The following EBPL variants were observed in gnomAD, a reference collection of about 807,000 sequenced individuals.
EBPL encodes emopamil-binding protein-like.
EBPL carries 20 observed loss-of-function variants against 19.0 expected under a neutral mutation model. The observed-to-expected ratio is 1.05, with a 90% CI of 0.74 to 1.53. The LOEUF (loss-of-function observed/expected upper bound fraction) is 1.53. EBPL is among the 40% of genes most tolerant of loss of function. The pLI is 0.00. For synonymous variants in EBPL, 107 were observed against 117.0 expected (o/e 0.91, Z 0.55); for missense variants, 219 against 261.1 (o/e 0.84, Z 1.11).
At chr13:49,691,199 C>T (rs1026078567) in intron 1 of EBPL, 55 bp downstream of exon 1, 5 of 1,271,514 alleles carry the variant, frequency 3.9e-6, no homozygotes, top group African/African-American at 3.1e-5. Context: ...CGCCTTGCCG[C>T]CCCCGCTCCC....
intron 1 of EBPL, among the ~76,000 whole-genome samples, chr13:49,690,149 C>CA (rs1954044756): frequency 1.5e-5 from 1 of 65,424 alleles, no homozygotes; most frequent in African/African-American, 5.4e-5. Flanking sequence ...GACTCTGTCT[C>CA]AAGAACAACA....
chr13:49,663,117 G>GCGA lies in EBPL; in HGVS notation c.317_319dup (p.Val106dup). 1 of 1,614,158 alleles carries GCGA rather than the reference G, an allele frequency of 6.2e-7. No individual in the cohort carries two copies. On this transcript the variant is annotated inframe_insertion, in exon 3 of 4. Coordinates refer to ENST00000242827, the MANE Select transcript of EBPL (RefSeq NM_032565.5). ...GAACAATGCCAGAGACCCATCCAGG[G>GCGA]CGACGGTCAGAATTTCCACAGACAC...
Position 49,663,207 on chromosome 13 carries a change from A to G in EBPL, c.242-12T>C, listed in dbSNP as rs1045564570. The G allele has an allele frequency of 1.2e-6, 2 of 1,611,884 alleles. No homozygotes were observed. Among genetic ancestry groups the G allele is most frequent in the African/African-American group, 2.7e-5 (2 of 74,886 alleles). On this transcript the variant is annotated splice_polypyrimidine_tract_variant and intron_variant, in intron 2 of 3. Coordinates refer to ENST00000242827, the MANE Select transcript of EBPL (RefSeq NM_032565.5). ...GCCATATTCTTTCCCTAAAGACAAA[A>G]TCCATGTTGTTACTCAAATGGCAAC...
At chr13:49,664,628 G>GA (rs1965199827) in intron 2 of EBPL, among the ~76,000 whole-genome samples, 1 of 152,084 alleles carries the variant, frequency 6.6e-6, no homozygotes, top group South Asian at 2.1e-4. Context: ...TGATTACAGT[G>GA]AAAAAATGGA....
intron 1 of EBPL, among the ~76,000 whole-genome samples, chr13:49,681,671 A>G (rs566075737): frequency 2.1e-4 from 32 of 152,366 alleles, no homozygotes; most frequent in African/African-American, 7.0e-4. Context: ...ACAAATGATT[A>G]AGTTATGCCA....
At chr13:49,678,410 G>A (rs1029624870) in intron 1 of EBPL, among the ~76,000 whole-genome samples, 1 of 152,218 alleles carries the variant, frequency 6.6e-6, no homozygotes, top group Non-Finnish European at 1.5e-5. Flanking sequence ...AGCGGGGGTG[G>A]TGCCGGCTCG....
At chr13:49,676,266 C>T (rs1953874567) in intron 1 of EBPL, among the ~76,000 whole-genome samples, 1 of 152,194 alleles carries the variant, frequency 6.6e-6, no homozygotes, top group Non-Finnish European at 1.5e-5. Context: ...CCCCCCTCCC[C>T]TGCTGCCTGG....
intron 1 of EBPL, among the ~76,000 whole-genome samples, chr13:49,679,966 T>C (rs942283503): frequency 1.3e-5 from 2 of 152,228 alleles, no homozygotes; most frequent in African/African-American, 4.8e-5. Flanking sequence ...CTCCACCTTT[T>C]GACAGAGTCG....
chr13:49,690,418 C>CAAAAA (rs33964235), intron 1 of EBPL, among the ~76,000 whole-genome samples: 1 of 88,234 alleles, frequency 1.1e-5, no homozygotes, highest in Non-Finnish European at 2.0e-5. Flanking sequence ...GTCAACTTTA[C>CAAAAA]AAAAAAAAAA....
chr13:49,685,144 G>A (rs1257823680), intron 1 of EBPL, among the ~76,000 whole-genome samples: 1 of 152,182 alleles, frequency 6.6e-6, no homozygotes, highest in Non-Finnish European at 1.5e-5. Flanking sequence ...ATTTTAAAGT[G>A]TTTGAAAAAG....
chr13:49,670,214 C>G (rs992917449), intron 1 of EBPL, among the ~76,000 whole-genome samples: 2 of 152,128 alleles, frequency 1.3e-5, no homozygotes, highest in African/African-American at 4.8e-5. Flanking sequence ...GAGAACCCCA[C>G]AGAAGTTCAC....
intron 2 of EBPL, among the ~76,000 whole-genome samples, chr13:49,667,287 A>G (rs1965242716): frequency 6.6e-6 from 1 of 152,200 alleles, no homozygotes; most frequent in African/African-American, 2.4e-5. Context: ...GATCATTTCC[A>G]TTGATTCTGT....
intron 1 of EBPL, among the ~76,000 whole-genome samples, chr13:49,681,531 T>A (rs1953943187): frequency 6.6e-6 from 1 of 152,226 alleles, no homozygotes; most frequent in South Asian, 2.1e-4. Flanking sequence ...CCTCAGGTGA[T>A]CTGCTCACCT....
At chr13:49,683,370 A>G (rs1240533384) in intron 1 of EBPL, among the ~76,000 whole-genome samples, 1 of 152,068 alleles carries the variant, frequency 6.6e-6, no homozygotes, top group Non-Finnish European at 1.5e-5. Flanking sequence ...TACTAAAAAT[A>G]CAAAAAAAAT....
At chr13:49,678,050 G>C (rs1420721437) in intron 1 of EBPL, among the ~76,000 whole-genome samples, 1 of 152,090 alleles carries the variant, frequency 6.6e-6, no homozygotes, top group Non-Finnish European at 1.5e-5. Flanking sequence ...GCCGGGGCTG[G>C]CTTGGGCAGC....
chr13:49,678,875 G>C (rs1490617445), intron 1 of EBPL, among the ~76,000 whole-genome samples: 1 of 151,876 alleles, frequency 6.6e-6, no homozygotes, highest in Non-Finnish European at 1.5e-5. Context: ...GTCAGGCATG[G>C]GTGGCACGCG....
In EBPL at chr13:49,663,109, C is replaced by T. The variant is rs1965172880; in HGVS notation, c.328G>A (p.Gly110Arg). 1 of 1,614,166 alleles carries T rather than the reference C, an allele frequency of 6.2e-7. No individual in the cohort carries two copies. The highest frequency in any genetic ancestry group is 8.5e-7 in the Non-Finnish European group (1 of 1,180,034). The change falls in exon 3 of 4, where the codon GGG becomes AGG. Residue 110 changes from glycine (G) to arginine (R), a missense_variant. Transcript: ENST00000242827. ...SVEILTVALD[G>R]SLALFLIYAI... ...TAAATGAGGAACAATGCCAGAGACC[C>T]ATCCAGGGCGACGGTCAGAATTTCC... is the stretch of plus-strand genomic sequence containing the variant.
At position 49,661,070 on chromosome 13, in the gene EBPL, G is replaced by T. The variant is rs185971851; in HGVS notation, c.519C>A (p.Asn173Lys). Residue 173 changes from asparagine to lysine, a missense_variant, in exon 4 of 4, where the codon AAC becomes AAA. Asn to Lys is a moderately conservative substitution (Grantham distance 94). This residue lies in a region of EBPL where 49 missense variants were observed against 94.1 expected (regional missense o/e 0.52). Transcript: ENST00000242827. ...GTCCTGGGATCAGAACCCACACACC[G>T]TTAAAAAAAAACAGGTAAAGCCAAC... ...LYCWLYLFFF[N>K]GVWVLIPGLL... 1.9e-6 allele frequency: 3 copies of T among 1,613,944 alleles called. No individual in the cohort carries two copies. Among genetic ancestry groups the T allele is most frequent in the Non-Finnish European group, 2.5e-6 (3 of 1,179,976 alleles).
rs989378684 is a variant in EBPL at position 49,691,131 on chromosome 13, C to T, written c.171+123G>A. 1.7e-5 allele frequency: 16 copies of T among 938,558 alleles called. No homozygotes were observed. The African/African-American group carries it at 2.6e-4, about 15-fold the overall frequency. 58.1% of individuals were successfully genotyped at this position (938,558 alleles called of 1,614,324 possible). ...AGGCGCCTCTCAGCTAACAGACTTCCTGCAGCAGGGGGAGGGGCGGCCAGC... is the reference window on the plus strand; with the variant it reads ...AGGCGCCTCTCAGCTAACAGACTTCTTGCAGCAGGGGGAGGGGCGGCCAGC... On this transcript the variant is annotated intron_variant, in intron 1 of 3. Transcript: ENST00000242827.
Sources: gnomAD v4.1 joint callset for allele counts (sites outside exome capture counted in the v4.1 genomes callset) on GRCh38, gnomAD v4.1.1 for gene constraint, gnomAD v4.1.1 regional missense constraint, MANE v1.5 for transcripts, NCBI Gene and HGNC (gene_info 2026-07-23, HGNC 2026-07-21) for gene names.